The following C8orf34 variants were observed in gnomAD, a reference collection of about 807,000 sequenced individuals.
The protein encoded by C8orf34 is uncharacterized protein C8orf34.
C8orf34 carries 65 observed loss-of-function variants against 68.3 expected under a neutral mutation model. The observed-to-expected ratio is 0.95, with a 90% CI of 0.78 to 1.17. The LOEUF is 1.17. Among genes scored for constraint, C8orf34 ranks in the 50% most tolerant of loss-of-function variants. The probability of loss-of-function intolerance (pLI) is 0.00; values close to 1 mark genes in which losing one functional copy is unlikely to be tolerated. For synonymous variants in C8orf34, 244 were observed against 241.2 expected, an observed-to-expected ratio of 1.01 and a Z score of -0.11; for missense variants, 664 against 655.4, an observed-to-expected ratio of 1.01 and a Z score of -0.14.
chr8:68,746,923 C>A (rs1190979493), intron 10 of C8orf34, among the ~76,000 whole-genome samples: 1 of 151,884 alleles, frequency 6.6e-6, no homozygotes, highest in Admixed American at 6.6e-5. Context: ...CGGACAGAGA[C>A]ACAACCAAAA....
intron 3 of C8orf34, among the ~76,000 whole-genome samples, chr8:68,466,738 CATATATATATATAT>C (rs35661495): frequency 5.0e-5 from 6 of 120,570 alleles, no homozygotes; most frequent in African/African-American, 1.1e-4. Flanking sequence ...CAACGTTGTA[CATATATATATATAT>C]ATATATATAT....
At chr8:68,513,599 G>A (rs578080809) in intron 5 of C8orf34, among the ~76,000 whole-genome samples, 94 of 138,860 alleles carry the variant, frequency 6.8e-4, no homozygotes, top group African/African-American at 3.1e-3. Context: ...AACTGCTGAC[G>A]GGGTAGAGAA....
intron 7 of C8orf34, among the ~76,000 whole-genome samples, chr8:68,611,117 G>A (rs1818010316): frequency 6.6e-6 from 1 of 152,066 alleles, no homozygotes; most frequent in Non-Finnish European, 1.5e-5. Context: ...TCACACTTTA[G>A]CCTCCCAAAG....
intron 7 of C8orf34, among the ~76,000 whole-genome samples, chr8:68,547,089 TGAACATACA>T (rs909279474): frequency 1.3e-5 from 2 of 151,694 alleles, no homozygotes; most frequent in African/African-American, 4.8e-5. Flanking sequence ...TCAAAATATG[TGAACATACA>T]GAATATTAGC....
At chr8:68,554,756 A>G (rs184923186) in intron 7 of C8orf34, among the ~76,000 whole-genome samples, 215 of 152,294 alleles carry the variant, frequency 1.4e-3, no homozygotes, top group African/African-American at 4.8e-3. Flanking sequence ...GACTTGGACA[A>G]AGGCAAATGT....
At chr8:68,474,996 C>T (rs1022848348) in intron 4 of C8orf34, among the ~76,000 whole-genome samples, 5 of 152,118 alleles carry the variant, frequency 3.3e-5, no homozygotes, top group African/African-American at 1.2e-4. Context: ...GTATTCAGTG[C>T]CTCCATAGAA....
chr8:68,579,707 G>A (rs959984818), intron 7 of C8orf34, among the ~76,000 whole-genome samples: 6 of 152,142 alleles, frequency 3.9e-5, no homozygotes, highest in African/African-American at 1.4e-4. Context: ...GTGGTCCAAA[G>A]GCTATGCCTA....
intron 10 of C8orf34, among the ~76,000 whole-genome samples, chr8:68,765,301 A>G (rs73277903): frequency 0.29 from 43,565 of 152,208 alleles, 6,744 homozygotes; most frequent in African/African-American, 0.39. Context: ...ACTGGAGTTT[A>G]AACACCTTTG....
intron 7 of C8orf34, among the ~76,000 whole-genome samples, chr8:68,591,817 G>A (rs1373116723): frequency 1.3e-5 from 2 of 152,104 alleles, no homozygotes; most frequent in African/African-American, 2.4e-5. Flanking sequence ...GTGATTTGGG[G>A]AATTTAAGAC....
At chr8:68,771,972 G>A (rs549531022) in intron 10 of C8orf34, among the ~76,000 whole-genome samples, 1 of 152,288 alleles carries the variant, frequency 6.6e-6, no homozygotes, top group South Asian at 2.1e-4. Flanking sequence ...TATGGCACAT[G>A]AGAAGTGCTT....
Position 68,533,081 on chromosome 8 carries a change from T to C in C8orf34, c.1037T>C (p.Ile346Thr), listed in dbSNP as rs1563513026. The change falls in exon 7 of 14, where the codon ATC becomes ACC. Residue 346 changes from isoleucine to threonine, a missense_variant. Physicochemically the swap from Ile to Thr is moderately conservative, Grantham distance 89. Coordinates refer to ENST00000518698, the MANE Select transcript of C8orf34 (RefSeq NM_052958.4). ...CTCTCTCAAGATTCTTTTGAGTCCA[T>C]CCACAGCCCTACCCCATCTGTAACA... ...AMLSQDSFESIHSPTPSVTEE... is the reference protein window; with the variant it reads ...AMLSQDSFESTHSPTPSVTEE... 6.2e-7 allele frequency: 1 copy of C among 1,613,504 alleles called. No homozygotes were observed. The highest frequency in any genetic ancestry group is 2.2e-5 in the East Asian group (1 of 44,836).
At chr8:68,722,988 A>T (rs1170313461) in intron 10 of C8orf34, among the ~76,000 whole-genome samples, 1 of 152,120 alleles carries the variant, frequency 6.6e-6, no homozygotes, top group Non-Finnish European at 1.5e-5. Context: ...TTCAATGCAG[A>T]GATATCTAAC....
At chr8:68,673,176 TCAGCTGTGAAC>T (rs889428663) in intron 8 of C8orf34, among the ~76,000 whole-genome samples, 1 of 152,174 alleles carries the variant, frequency 6.6e-6, no homozygotes, top group Non-Finnish European at 1.5e-5. Context: ...TGTGTGGGCT[TCAGCTGTGAAC>T]CAGCATATTG....
chr8:68,456,275 G>A (rs974154018), intron 3 of C8orf34, among the ~76,000 whole-genome samples: 1 of 151,462 alleles, frequency 6.6e-6, no homozygotes, highest in East Asian at 1.9e-4. Flanking sequence ...AAAATTTTCT[G>A]TCTAAAATTT....
intron 5 of C8orf34, among the ~76,000 whole-genome samples, chr8:68,499,536 TAAATTTAGA>T (rs1813676812): frequency 6.6e-6 from 1 of 152,080 alleles, no homozygotes; most frequent in South Asian, 2.1e-4. Flanking sequence ...TACCAACAAG[TAAATTTAGA>T]AGGAATGATG....
chr8:68,628,708 G>A (rs1445660702), intron 7 of C8orf34, among the ~76,000 whole-genome samples: 1 of 152,092 alleles, frequency 6.6e-6, no homozygotes, highest in African/African-American at 2.4e-5. Flanking sequence ...TGTTTGGAAA[G>A]CTTTTAATTT....
intron 1 of C8orf34, among the ~76,000 whole-genome samples, chr8:68,402,018 G>A (rs540103387): frequency 1.3e-5 from 2 of 152,080 alleles, no homozygotes; most frequent in South Asian, 2.1e-4. Context: ...GGTAAAATTT[G>A]GCTACAAATT....
At position 68,765,603 on chromosome 8, in the gene C8orf34, T is replaced by C. The variant is rs569030075; in HGVS notation, c.1405-10796T>C. 2.0e-5 allele frequency among the ~76,000 whole-genome samples: 3 copies of C among 152,342 alleles called. No homozygotes were observed. The South Asian group carries it at 6.2e-4, about 32-fold the overall frequency. On this transcript the variant is annotated intron_variant, in intron 10 of 13. Coordinates refer to ENST00000518698, the MANE Select transcript of C8orf34 (RefSeq NM_052958.4). ...CTCTCTTATATATTTGGAGGTCACT[T>C]CTTTTTCTTAGACGATTGGTTATGC...
chr8:68,500,836 T>A (rs968462102), intron 5 of C8orf34, among the ~76,000 whole-genome samples: 2 of 152,182 alleles, frequency 1.3e-5, no homozygotes, highest in African/African-American at 4.8e-5. Flanking sequence ...TCTGGAAGTC[T>A]GAATTATATT....
Sources: allele counts gnomAD v4.1 joint callset (sites outside exome capture counted in the v4.1 genomes callset), GRCh38; gene constraint gnomAD v4.1.1; transcripts MANE v1.5; gene names NCBI Gene and HGNC (gene_info 2026-07-23, HGNC 2026-07-21).